ASCC3: variants seen among roughly 807,000 people sequenced by gnomAD.
ASCC3 encodes the protein ASC-1 complex subunit P200.
ASCC3 carries 158 observed loss-of-function variants against 256.3 expected under a neutral mutation model. That is an observed-to-expected ratio of 0.62 (90% CI 0.54 to 0.70). The LOEUF is 0.70. Among genes scored for constraint, ASCC3 ranks in the 30% least tolerant of loss-of-function variants. The pLI, the probability that ASCC3 is intolerant of heterozygous loss-of-function variation, is 0.00. For synonymous variants in ASCC3, 948 were observed against 883.4 expected (o/e 1.07, Z -1.30); for missense variants, 2,259 against 2,626.0 (o/e 0.86, Z 3.05).
intron 8 of ASCC3, among the ~76,000 whole-genome samples, chr6:100,776,942 C>T (rs1476203109): frequency 3.9e-5 from 6 of 151,922 alleles, no homozygotes; most frequent in African/African-American, 1.4e-4. Context: ...AGTTTTTCTT[C>T]GGCTCCCTAT....
At chr6:100,820,999 C>A (rs1048406867) in intron 4 of ASCC3, among the ~76,000 whole-genome samples, 1 of 152,086 alleles carries the variant, frequency 6.6e-6, no homozygotes, top group Non-Finnish European at 1.5e-5. Flanking sequence ...AAACAGTTTG[C>A]TGTTTCCTCA....
chr6:100,672,563 T>C (rs1252817124), intron 14 of ASCC3, among the ~76,000 whole-genome samples: 2 of 152,112 alleles, frequency 1.3e-5, no homozygotes, highest in Admixed American at 1.3e-4. Context: ...TTTTAACAGA[T>C]GTACTATACA....
chr6:100,825,414 T>C (rs1015261907), intron 4 of ASCC3, among the ~76,000 whole-genome samples: 1 of 152,198 alleles, frequency 6.6e-6, no homozygotes, highest in Non-Finnish European at 1.5e-5. Context: ...TGGTTTCTAA[T>C]GATTCTTCAT....
intron 34 of ASCC3, among the ~76,000 whole-genome samples, chr6:100,595,836 A>T (rs1361895778): frequency 1.3e-5 from 2 of 152,194 alleles, no homozygotes; most frequent in African/African-American, 4.8e-5. Context: ...CACCCAATAA[A>T]TATTATCAAT....
At chr6:100,578,324 T>C (rs1770991003) in intron 36 of ASCC3, among the ~76,000 whole-genome samples, 1 of 152,032 alleles carries the variant, frequency 6.6e-6, no homozygotes, top group African/African-American at 2.4e-5. Context: ...ACAGGTAAAT[T>C]GTGTGTTGTG....
chr6:100,734,275 A>G (rs919410890), intron 10 of ASCC3, among the ~76,000 whole-genome samples: 1 of 152,218 alleles, frequency 6.6e-6, no homozygotes, highest in Non-Finnish European at 1.5e-5. Flanking sequence ...AATAGGTACT[A>G]TGTATTTATA....
rs1282382357 is a variant in ASCC3 at position 100,508,580 on chromosome 6, C to T, written c.*806G>A. 1 of 152,092 alleles carries T rather than the reference C, an allele frequency of 6.6e-6. No homozygotes were observed. Among genetic ancestry groups the T allele is most frequent in the East Asian group, 1.9e-4 (1 of 5,192 alleles). 9.4% of individuals were successfully genotyped at this position (152,092 alleles called of 1,614,324 possible). On this transcript the variant is annotated 3_prime_UTR_variant, in exon 42 of 42. Coordinates refer to ENST00000369162, the MANE Select transcript of ASCC3 (RefSeq NM_006828.4). ...ACTATATGATCTGTAAGTGCTACAA[C>T]ATGAATTAGATTATACTTCTCTACT...
intron 25 of ASCC3, among the ~76,000 whole-genome samples, chr6:100,636,168 C>T (rs533321209): frequency 1.3e-5 from 2 of 152,314 alleles, no homozygotes; most frequent in Admixed American, 6.5e-5. Context: ...GGCAACCCCA[C>T]ATCGAGCAAT....
chr6:100,747,003 C>T (rs978622264), intron 10 of ASCC3, among the ~76,000 whole-genome samples: 2 of 152,048 alleles, frequency 1.3e-5, no homozygotes, highest in Admixed American at 6.5e-5. Flanking sequence ...GCTTGCAAAA[C>T]ACGTATCCAA....
At chr6:100,766,528 A>T (rs1458276735) in intron 10 of ASCC3, 37 bp downstream of exon 10, 1 of 1,598,394 alleles carries the variant, frequency 6.3e-7, no homozygotes, top group Non-Finnish European at 8.6e-7. Context: ...CTAAAAAAAG[A>T]ATGGTATTAA....
At chr6:100,597,743 T>C (rs1236340597) in intron 34 of ASCC3, among the ~76,000 whole-genome samples, 1 of 146,846 alleles carries the variant, frequency 6.8e-6, no homozygotes, top group African/African-American at 2.6e-5. Context: ...GAGGCCGAGA[T>C]GGGCGGTTCA....
At chr6:100,580,369 A>C (rs1771151721) in intron 36 of ASCC3, among the ~76,000 whole-genome samples, 1 of 152,068 alleles carries the variant, frequency 6.6e-6, no homozygotes, top group Admixed American at 6.6e-5. Context: ...TTAGGACTAG[A>C]TACAATCAAG....
At chr6:100,875,673 T>G (rs1471591882) in intron 1 of ASCC3, among the ~76,000 whole-genome samples, 1 of 151,958 alleles carries the variant, frequency 6.6e-6, no homozygotes, top group Non-Finnish European at 1.5e-5. Context: ...AAGAAAGTGA[T>G]CCACAAATCA....
chr6:100,619,752 C>T (rs1315341343), intron 30 of ASCC3, among the ~76,000 whole-genome samples: 1 of 151,946 alleles, frequency 6.6e-6, no homozygotes, highest in East Asian at 1.9e-4. Flanking sequence ...TAATTTTATT[C>T]CTCTTCCCTC....
chr6:100,699,887 C>T (rs1778272244), intron 13 of ASCC3, among the ~76,000 whole-genome samples: 1 of 152,146 alleles, frequency 6.6e-6, no homozygotes, highest in Admixed American at 6.5e-5. Flanking sequence ...AATTTCTAAG[C>T]AGCAAAACAT....
intron 4 of ASCC3, among the ~76,000 whole-genome samples, chr6:100,833,652 A>C (rs1353202763): frequency 1.3e-5 from 2 of 152,224 alleles, no homozygotes; most frequent in African/African-American, 4.8e-5. Flanking sequence ...TATGGTATAA[A>C]ATTCAAGAAA....
intron 13 of ASCC3, among the ~76,000 whole-genome samples, chr6:100,707,730 TC>T (rs905531744): frequency 6.6e-5 from 10 of 152,252 alleles, no homozygotes; most frequent in African/African-American, 2.4e-4. Context: ...ACGATGATTG[TC>T]CCAATGTAGA....
At chr6:100,584,345 C>T (rs566992981) in intron 36 of ASCC3, among the ~76,000 whole-genome samples, 1 of 151,522 alleles carries the variant, frequency 6.6e-6, no homozygotes, top group South Asian at 2.1e-4. Flanking sequence ...TATGTAATGG[C>T]CTTCTTTGTG....
intron 4 of ASCC3, among the ~76,000 whole-genome samples, chr6:100,822,367 T>C (rs963877927): frequency 1.3e-5 from 2 of 151,934 alleles, no homozygotes. Flanking sequence ...TAAGACTCCA[T>C]CTCTTCAAAA....
Sources: gnomAD v4.1 joint callset for allele counts (sites outside exome capture counted in the v4.1 genomes callset) on GRCh38, gnomAD v4.1.1 for gene constraint, MANE v1.5 for transcripts, NCBI Gene and HGNC (gene_info 2026-07-23, HGNC 2026-07-21) for gene names.